ABCC11: variants seen among roughly 807,000 people sequenced by gnomAD.
ABCC11 encodes the protein ATP binding cassette subfamily C member 11.
A neutral mutation model predicts 149.3 loss-of-function variants in ABCC11; 135 were observed. The ratio of observed to expected loss-of-function variants is 0.90; its 90% CI spans 0.79 to 1.04. The LOEUF (loss-of-function observed/expected upper bound fraction) is 1.04, where lower values mean the gene tolerates loss of function less well. ABCC11 is among the 50% of genes least tolerant of loss of function. The pLI, the probability that ABCC11 is intolerant of heterozygous loss-of-function variation, is 0.00. For synonymous variants in ABCC11, 665 were observed against 671.4 expected, an observed-to-expected ratio of 0.99 and a Z score of 0.15; for missense variants, 1,680 against 1,722.1, an observed-to-expected ratio of 0.98 and a Z score of 0.43.
In ABCC11 at chr16:48,178,705, A is replaced by G. The variant is rs373100484; in HGVS notation, c.3259-19T>C. The G allele has an allele frequency of 2.5e-6, 4 of 1,612,312 alleles. No individual in the cohort carries two copies. The African/African-American group carries it at 4.0e-5, about 16-fold the overall frequency. ...ACGCCAGCTAGAAGGAAGGAGAAGTATCGGGGGTCAAGAGGCTGCTGGGGT... is the reference window on the plus strand; with the variant it reads ...ACGCCAGCTAGAAGGAAGGAGAAGTGTCGGGGGTCAAGAGGCTGCTGGGGT... On this transcript the variant is annotated intron_variant, in intron 23 of 29. Coordinates refer to ENST00000356608, the MANE Select transcript of ABCC11 (RefSeq NM_001370497.1).
chr16:48,184,650 G>T (rs762790581), intron 22 of ABCC11, 24 bp from the exon 23 acceptor site: 1 of 1,607,498 alleles, frequency 6.2e-7, no homozygotes, highest in South Asian at 1.1e-5. Context: ...CACAGACTAA[G>T]AACCATGTGT....
intron 10 of ABCC11, 119 bp downstream of exon 10, chr16:48,213,324 C>A (rs980032162): frequency 2.5e-6 from 2 of 803,892 alleles, no homozygotes; most frequent in Non-Finnish European, 3.9e-6. Context: ...ACTGAGTTAG[C>A]TAATCCCTCT....
chr16:48,219,117 G>GT (rs1021433093), intron 6 of ABCC11, among the ~76,000 whole-genome samples: 17 of 149,762 alleles, frequency 1.1e-4, no homozygotes, highest in African/African-American at 3.9e-4. Flanking sequence ...AAAATCCAAT[G>GT]TTTTTTATGG....
Position 48,192,590 on chromosome 16 carries a change from C to G in ABCC11, c.2636G>C (p.Cys879Ser). Reference sequence around the variant, plus strand: ...GACCTTGGTGAAAATCCCTGAGGAGCAGACCCCCACACAGATGAGGAGCAG... The same window carrying G: ...GACCTTGGTGAAAATCCCTGAGGAGGAGACCCCCACACAGATGAGGAGCAG... ...NALLLICVGV[C>S]SSGIFTKVTR... Residue 879 changes from cysteine to serine, a missense_variant, in exon 20 of 30, where the codon TGC (cysteine) becomes TCC (serine). Physicochemically the swap from Cys to Ser is moderately radical, Grantham distance 112. Transcript: ENST00000356608. 1 of 1,614,248 alleles carries G rather than the reference C, an allele frequency of 6.2e-7. No individual in the cohort carries two copies. The highest frequency in any genetic ancestry group is 1.6e-4 in the Middle Eastern group (1 of 6,062).
At chr16:48,240,984 G>C (rs891404041) in intron 1 of ABCC11, among the ~76,000 whole-genome samples, 4 of 151,868 alleles carry the variant, frequency 2.6e-5, no homozygotes, top group Non-Finnish European at 5.9e-5. Context: ...GCCCAAGCCA[G>C]AGTGCAATGG....
intron 3 of ABCC11, among the ~76,000 whole-genome samples, chr16:48,229,027 G>C (rs1019358662): frequency 2.6e-4 from 39 of 152,166 alleles, no homozygotes; most frequent in African/African-American, 8.9e-4. Flanking sequence ...ATTTCTTTTG[G>C]GGGGTAGGGG....
At chr16:48,201,479 T>TC (rs1967973450) in intron 14 of ABCC11, among the ~76,000 whole-genome samples, 5 of 147,130 alleles carry the variant, frequency 3.4e-5, no homozygotes, top group South Asian at 4.3e-4. Flanking sequence ...TTTTTCTTTT[T>TC]TTTTTTTTTT....
At chr16:48,234,421 A>G (rs1173602830) in intron 1 of ABCC11, among the ~76,000 whole-genome samples, 1 of 152,116 alleles carries the variant, frequency 6.6e-6, no homozygotes, top group Admixed American at 6.6e-5. Flanking sequence ...CTCAAAGTTC[A>G]TGAAAATTTG....
Position 48,170,043 on chromosome 16 carries a change from T to C in ABCC11, c.3891+62A>G, listed in dbSNP as rs925074791. 3.4e-5 allele frequency: 46 copies of C among 1,365,352 alleles called. No homozygotes were observed. In the African/African-American group the frequency reaches 6.5e-4, roughly 19 times the overall value. The allele number at this position is 1,365,352 out of a possible 1,614,324, so 84.6% of individuals were successfully genotyped here. On this transcript the variant is annotated intron_variant, in intron 28 of 29. Transcript: ENST00000356608. ...GTAGTGAAGGGAGAGGGAGCCGGTGTGGCTTCCCTCATCATGCGTAGTCTG... is the reference window on the plus strand; with the variant it reads ...GTAGTGAAGGGAGAGGGAGCCGGTGCGGCTTCCCTCATCATGCGTAGTCTG...
At chr16:48,175,152 C>A in intron 26 of ABCC11, 106 bp downstream of exon 26, 38 of 1,421,862 alleles carry the variant, frequency 2.7e-5, no homozygotes, top group Non-Finnish European at 3.5e-5. Context: ...GCCAAGGAGG[C>A]CTGGAAATCG....
At chr16:48,211,700 T>C (rs1968942005) in intron 10 of ABCC11, among the ~76,000 whole-genome samples, 1 of 152,052 alleles carries the variant, frequency 6.6e-6, no homozygotes, top group South Asian at 2.1e-4. Flanking sequence ...AAAAATCTAC[T>C]TGTAGCTATT....
intron 26 of ABCC11, among the ~76,000 whole-genome samples, chr16:48,171,357 C>T (rs958133305): frequency 5.3e-5 from 8 of 152,160 alleles, no homozygotes; most frequent in East Asian, 1.9e-4. Context: ...CCATGGGAGA[C>T]GTGCGGAGAG....
At chr16:48,197,584 G>A (rs1237603794) in intron 17 of ABCC11, among the ~76,000 whole-genome samples, 1 of 152,182 alleles carries the variant, frequency 6.6e-6, no homozygotes, top group Non-Finnish European at 1.5e-5. Flanking sequence ...GACATCAGGG[G>A]CTAAACCCAA....
intron 24 of ABCC11, among the ~76,000 whole-genome samples, chr16:48,177,440 G>A (rs541694519): frequency 6.6e-6 from 1 of 152,220 alleles, no homozygotes; most frequent in East Asian, 1.9e-4. Flanking sequence ...CCCCCCTTCG[G>A]GGGGGTTCAT....
At chr16:48,220,667 A>G (rs540224876) in intron 6 of ABCC11, among the ~76,000 whole-genome samples, 1 of 152,352 alleles carries the variant, frequency 6.6e-6, no homozygotes, top group South Asian at 2.1e-4. Context: ...AGCTTCAGAG[A>G]GGCTGAACAA....
chr16:48,198,229 A>G lies in ABCC11; in HGVS notation c.2129T>C (p.Ile710Thr). 1 of 1,614,184 alleles carries G rather than the reference A, an allele frequency of 6.2e-7. No individual in the cohort carries two copies. The highest frequency in any genetic ancestry group is 8.5e-7 in the Non-Finnish European group (1 of 1,180,030). ...CTCACTGTGAGTTCCATTTTCACAG[A>G]TTTTCCCATTTTCCAACAAAATGAT... ...GQIILLENGK[I>T]CENGTHSELM... Residue 710 changes from isoleucine to threonine, a missense_variant, in exon 16 of 30, where the codon ATC (isoleucine) becomes ACC (threonine). Ile to Thr is a moderately conservative substitution (Grantham distance 89). Coordinates refer to ENST00000356608, the MANE Select transcript of ABCC11 (RefSeq NM_001370497.1).
At chr16:48,178,790 C>A in intron 23 of ABCC11, 104 bp from the exon 24 acceptor site, 1 of 961,582 alleles carries the variant, frequency 1.0e-6, no homozygotes, top group East Asian at 2.5e-5. Flanking sequence ...TGAGTGACCC[C>A]TGAAACTAAG....
At chr16:48,245,159 C>T (rs996311580) in intron 1 of ABCC11, among the ~76,000 whole-genome samples, 5 of 152,138 alleles carry the variant, frequency 3.3e-5, no homozygotes, top group African/African-American at 1.2e-4. Flanking sequence ...TCTATACTCC[C>T]TGCCACCCTT....
At chr16:48,192,770 G>C (rs761211015) in intron 19 of ABCC11, 53 bp from the exon 20 acceptor site, 1 of 1,574,874 alleles carries the variant, frequency 6.3e-7, no homozygotes, top group Admixed American at 1.7e-5. Flanking sequence ...AAATTCAGTG[G>C]CAGGGAAAGC....
Sources: allele counts gnomAD v4.1 joint callset (sites outside exome capture counted in the v4.1 genomes callset), GRCh38; gene constraint gnomAD v4.1.1; transcripts MANE v1.5; gene names NCBI Gene and HGNC (gene_info 2026-07-23, HGNC 2026-07-21).